QTGAL: variants seen among roughly 807,000 people sequenced by gnomAD.
QTGAL encodes BGnT-like protein 1.
the QTGAL span, chr17:83,006,169 T>C: frequency 9.9e-5 from 98 of 986,238 alleles, no homozygotes; most frequent in Middle Eastern, 1.0e-3. The surrounding 1 kb of genome is among the most constrained non-coding windows in gnomAD (Gnocchi z 5.8). Flanking sequence ...AAGGAGACAA[T>C]AGTGAAAATG....
the QTGAL span, among the ~76,000 whole-genome samples, chr17:83,033,921 TTATC>T: frequency 1.3e-5 from 2 of 152,236 alleles, no homozygotes; most frequent in Non-Finnish European, 2.9e-5. Flanking sequence ...CTCTGCCTAC[TTATC>T]TATTTTTCTT....
the QTGAL span, among the ~76,000 whole-genome samples, chr17:82,994,619 T>C: frequency 1.1e-4 from 16 of 152,170 alleles, no homozygotes; most frequent in Admixed American, 8.5e-4. Flanking sequence ...CTACCAAACA[T>C]TTAAAGAACT....
At chr17:82,955,856 G>T in the QTGAL span, among the ~76,000 whole-genome samples, 5 of 152,122 alleles carry the variant, frequency 3.3e-5, no homozygotes, top group Admixed American at 6.5e-5. Flanking sequence ...CAGGGACATG[G>T]ATGAAGCTGG....
the QTGAL span, chr17:83,049,070 G>C: frequency 5.9e-6 from 2 of 336,680 alleles, no homozygotes; most frequent in Non-Finnish European, 1.1e-5. Context: ...TGGCTAACAT[G>C]GTGAAACCCC....
the QTGAL span, among the ~76,000 whole-genome samples, chr17:82,967,017 A>C: frequency 6.6e-6 from 1 of 152,206 alleles, no homozygotes; most frequent in African/African-American, 2.4e-5. Flanking sequence ...AAGGGCTGAA[A>C]ACACTTCCTC....
At chr17:82,979,694 T>C in the QTGAL span, among the ~76,000 whole-genome samples, 1 of 152,252 alleles carries the variant, frequency 6.6e-6, no homozygotes, top group Non-Finnish European at 1.5e-5. Context: ...CAAATTGATT[T>C]GTAAGTTTAA....
chr17:83,037,151 GA>G, the QTGAL span, among the ~76,000 whole-genome samples: 3,610 of 152,320 alleles, frequency 0.024, 64 homozygotes, highest in Middle Eastern at 0.048. The surrounding 1 kb of genome is among the most constrained non-coding windows in gnomAD (Gnocchi z 5.2). Context: ...ACAAGCTGCA[GA>G]AAGTTGTCTG....
chr17:82,970,642 AC>A, the QTGAL span, among the ~76,000 whole-genome samples: 1 of 111,872 alleles, frequency 8.9e-6, no homozygotes, highest in Non-Finnish European at 1.9e-5. Context: ...CGACCTCCGC[AC>A]CCGGTGTGGC....
At chr17:82,948,022 CCACAAAATGGAGGAAGACATTTGCAAAA>C in the QTGAL span, 3 of 152,204 alleles carry the variant, frequency 2.0e-5, no homozygotes, top group East Asian at 5.8e-4. Flanking sequence ...AAAAGGCAAA[CCACAAAATGGAGGAAGACATTTGCAAAA>C]CATTAAACCA....
chr17:83,032,030 C>A, the QTGAL span, among the ~76,000 whole-genome samples: 1 of 147,098 alleles, frequency 6.8e-6, no homozygotes, highest in Non-Finnish European at 1.5e-5. Context: ...GCTGAACAAC[C>A]GGGTCAGACC....
chr17:82,953,012 C>G, the QTGAL span, among the ~76,000 whole-genome samples: 1 of 152,104 alleles, frequency 6.6e-6, no homozygotes, highest in Non-Finnish European at 1.5e-5. Context: ...AGAGAGACAA[C>G]GTACCAGAAT....
At chr17:83,036,665 C>A in the QTGAL span, among the ~76,000 whole-genome samples, 1 of 152,132 alleles carries the variant, frequency 6.6e-6, no homozygotes, top group Non-Finnish European at 1.5e-5. Context: ...GTGGCAAGAG[C>A]CTGAGGCTGT....
At chr17:82,947,890 T>C in the QTGAL span, 1 of 152,256 alleles carries the variant, frequency 6.6e-6, no homozygotes, top group East Asian at 1.9e-4. Flanking sequence ...CTCTAGAGTT[T>C]GCAAAGGAAA....
At chr17:83,000,703 T>C in the QTGAL span, among the ~76,000 whole-genome samples, 13 of 152,230 alleles carry the variant, frequency 8.5e-5, no homozygotes, top group African/African-American at 3.1e-4. Flanking sequence ...TCCAAATTGT[T>C]ACACATCTCC....
the QTGAL span, among the ~76,000 whole-genome samples, chr17:83,000,937 T>C: frequency 6.6e-6 from 1 of 151,708 alleles, no homozygotes; most frequent in African/African-American, 2.4e-5. Flanking sequence ...AGAAAGTGGG[T>C]CATGGTTGCA....
chr17:83,005,721 AC>A, the QTGAL span: 3 of 734,512 alleles, frequency 4.1e-6, no homozygotes, highest in African/African-American at 5.2e-5. The surrounding 1 kb of genome is among the most constrained non-coding windows in gnomAD (Gnocchi z 5.6). Context: ...AGGGCCGACA[AC>A]CCTCTCCCCG....
At chr17:83,011,366 A>G in the QTGAL span, 1 of 152,260 alleles carries the variant, frequency 6.6e-6, no homozygotes, top group African/African-American at 2.4e-5. Flanking sequence ...GAAAGCCGCC[A>G]TCAAAGGTCC....
chr17:83,038,943 C>T, the QTGAL span, among the ~76,000 whole-genome samples: 1 of 142,804 alleles, frequency 7.0e-6, no homozygotes, highest in Non-Finnish European at 1.6e-5. Context: ...CAAGTTGAAA[C>T]AGATGTTCTA....
At chr17:82,999,677 T>C in the QTGAL span, among the ~76,000 whole-genome samples, 98 of 152,360 alleles carry the variant, frequency 6.4e-4, 1 homozygote, top group African/African-American at 2.3e-3. Flanking sequence ...TTTATGGTAC[T>C]GTACTGTATT....
Sources: gnomAD v4.1 joint callset for allele counts (sites outside exome capture counted in the v4.1 genomes callset) on GRCh38, gnomAD v4.1.1 for gene constraint, Gnocchi (gnomAD v3.1) non-coding constraint, MANE v1.5 for transcripts, NCBI Gene and HGNC (gene_info 2026-07-23, HGNC 2026-07-21) for gene names.